Variants in CTNNA2 observed in about 807,000 individuals in gnomAD.
CTNNA2 encodes the protein catenin alpha-2.
In CTNNA2, 42 loss-of-function variants were observed where a neutral mutation model predicts 101.0. The ratio of observed to expected loss-of-function variants is 0.42; its 90% confidence interval spans 0.32 to 0.54. The LOEUF (loss-of-function observed/expected upper bound fraction) is 0.54, where lower values mean the gene tolerates loss of function less well. Ranked by LOEUF, CTNNA2 falls within the 20% of genes least tolerant of loss-of-function variation. The pLI, the probability that CTNNA2 is intolerant of heterozygous loss-of-function variation, is 0.14. For synonymous variants in CTNNA2, 450 were observed against 456.4 expected (o/e 0.99, Z 0.18); for missense variants, 871 against 1,223.1 (o/e 0.71, Z 4.29).
Position 80,065,363 on chromosome 2 carries a change from A to ATT in CTNNA2, c.1056+155579_1056+155580dup, listed in dbSNP as rs34605273. 2.8e-3 allele frequency among the ~76,000 whole-genome samples: 406 copies of ATT among 144,492 alleles called. 3 individuals carry two copies. Among genetic ancestry groups the ATT allele is most frequent in the African/African-American group, 8.2e-3 (318 of 38,914 alleles). The allele number at this position is 144,492 out of a possible 152,430, so 94.8% of individuals were successfully genotyped here. ...TTCCATTCTTGGACTTCTCCATTCT[A>ATT]TTTTTTTTTTTTTTGAGATGGAGTC... On this transcript the variant is annotated intron_variant, in intron 7 of 18. Transcript: ENST00000402739.
Position 80,284,635 on chromosome 2 carries a change from G to A in CTNNA2, c.1057-108576G>A, listed in dbSNP as rs116728619. On this transcript the variant is annotated intron_variant, in intron 7 of 18. Transcript: ENST00000402739. ...GACATTCAATCACACATTTTTTTTT[G>A]CATCATCTCTGAGAATTCCTCAAAT... Among the ~76,000 whole-genome samples the A allele has an allele frequency of 4.6e-3, 666 of 144,298 alleles. 3 individuals are homozygous for A. The highest frequency in any genetic ancestry group is 7.0e-3 in the Non-Finnish European group (468 of 67,312). The allele number at this position is 144,298 out of a possible 152,430, so 94.7% of individuals were successfully genotyped here. A position where few individuals can be genotyped will look rare whatever the true frequency, so the allele number is the denominator to read the frequency against.
At chr2:79,850,239 C>A (rs935776284) in intron 3 of CTNNA2, among the ~76,000 whole-genome samples, 2 of 144,316 alleles carry the variant, frequency 1.4e-5, no homozygotes, top group Non-Finnish European at 3.0e-5. Flanking sequence ...GTATCTCTCT[C>A]CCTCTGTTTC....
chr2:79,998,835 C>G (rs1692732999), intron 7 of CTNNA2, among the ~76,000 whole-genome samples: 1 of 152,114 alleles, frequency 6.6e-6, no homozygotes, highest in South Asian at 2.1e-4. Context: ...CCAGGAGAAA[C>G]CACAGTGCAG....
At chr2:80,399,961 T>C (rs1190402665) in intron 8 of CTNNA2, among the ~76,000 whole-genome samples, 2 of 152,172 alleles carry the variant, frequency 1.3e-5, no homozygotes, top group Non-Finnish European at 2.9e-5. Flanking sequence ...CCTGGTTAAG[T>C]GAGGTTGGCC....
chr2:79,929,827 T>G (rs1687267651), intron 7 of CTNNA2, among the ~76,000 whole-genome samples: 1 of 152,188 alleles, frequency 6.6e-6, no homozygotes, highest in African/African-American at 2.4e-5. Context: ...TCATCAGTTC[T>G]TGACGGAAAA....
At chr2:80,423,512 A>T (rs1330478647) in intron 9 of CTNNA2, among the ~76,000 whole-genome samples, 2 of 152,056 alleles carry the variant, frequency 1.3e-5, no homozygotes, top group African/African-American at 2.4e-5. Context: ...CATCTCCTTT[A>T]AAAAAATATT....
intron 7 of CTNNA2, among the ~76,000 whole-genome samples, chr2:80,263,481 C>T (rs977978579): frequency 5.9e-5 from 9 of 152,078 alleles, no homozygotes; most frequent in South Asian, 2.1e-4. Context: ...ATTACAGGCA[C>T]GTGCCACCAT....
chr2:79,211,741 G>T (rs1459060140), intron 2 of CTNNA2, among the ~76,000 whole-genome samples: 3 of 152,092 alleles, frequency 2.0e-5, no homozygotes, highest in Non-Finnish European at 2.9e-5. Context: ...GCTTAGCTTG[G>T]GCTCAGAGGC....
At chr2:79,543,508 A>C (rs982377354) in intron 1 of CTNNA2, among the ~76,000 whole-genome samples, 2 of 152,170 alleles carry the variant, frequency 1.3e-5, no homozygotes, top group Admixed American at 6.5e-5. Flanking sequence ...AGTTAGAAAT[A>C]CATTTTTGAC....
At chr2:80,048,074 A>G (rs1199421448) in intron 7 of CTNNA2, among the ~76,000 whole-genome samples, 2 of 152,168 alleles carry the variant, frequency 1.3e-5, no homozygotes, top group Non-Finnish European at 2.9e-5. Context: ...GATGAAAATA[A>G]TGGTTTAAAG....
chr2:79,919,584 T>C (rs942747297), intron 7 of CTNNA2, among the ~76,000 whole-genome samples: 2 of 152,184 alleles, frequency 1.3e-5, no homozygotes, highest in African/African-American at 4.8e-5. Context: ...GACAGCACAA[T>C]TGATCTTCTC....
At chr2:80,335,040 G>A (rs1169054735) in intron 7 of CTNNA2, among the ~76,000 whole-genome samples, 2 of 152,200 alleles carry the variant, frequency 1.3e-5, no homozygotes, top group African/African-American at 4.8e-5. Context: ...TGACAGAGAG[G>A]TGACTTTCAG....
chr2:79,974,050 T>C (rs1690670390), intron 7 of CTNNA2, among the ~76,000 whole-genome samples: 1 of 152,192 alleles, frequency 6.6e-6, no homozygotes, highest in African/African-American at 2.4e-5. Flanking sequence ...CAGGCATTCA[T>C]GTATGAGAGC....
chr2:79,200,253 G>A (rs766804703), intron 2 of CTNNA2, among the ~76,000 whole-genome samples: 10 of 151,980 alleles, frequency 6.6e-5, no homozygotes, highest in African/African-American at 1.9e-4. Context: ...GCTTGGTGGC[G>A]GGCACCTGTA....
chr2:79,574,428 T>C (rs1177882677), intron 1 of CTNNA2, among the ~76,000 whole-genome samples: 1 of 152,096 alleles, frequency 6.6e-6, no homozygotes, highest in African/African-American at 2.4e-5. Flanking sequence ...TCCATGTGTA[T>C]TCAATGTTTA....
intron 2 of CTNNA2, among the ~76,000 whole-genome samples, chr2:79,239,220 T>C (rs1249514910): frequency 6.6e-6 from 1 of 152,064 alleles, no homozygotes; most frequent in Non-Finnish European, 1.5e-5. Context: ...GACTCTACTA[T>C]GAGGCTAAAA....
intron 2 of CTNNA2, among the ~76,000 whole-genome samples, chr2:79,656,587 A>G (rs1681626972): frequency 6.6e-6 from 1 of 152,110 alleles, no homozygotes; most frequent in South Asian, 2.1e-4. Flanking sequence ...CCTTATATCA[A>G]TAATGATATA....
At chr2:80,530,467 C>T (rs1478754865) in intron 9 of CTNNA2, among the ~76,000 whole-genome samples, 2 of 152,162 alleles carry the variant, frequency 1.3e-5, no homozygotes, top group Non-Finnish European at 2.9e-5. Context: ...TTTTGCAGGA[C>T]ACAGACAGGA....
chr2:80,281,174 C>T (rs1333657576), intron 7 of CTNNA2, among the ~76,000 whole-genome samples: 1 of 152,090 alleles, frequency 6.6e-6, no homozygotes, highest in Non-Finnish European at 1.5e-5. Flanking sequence ...AAATTATATT[C>T]AGAAATGTCC....
Sources: allele counts gnomAD v4.1 joint callset (sites outside exome capture counted in the v4.1 genomes callset), GRCh38; gene constraint gnomAD v4.1.1; transcripts MANE v1.5; gene names NCBI Gene and HGNC (gene_info 2026-07-23, HGNC 2026-07-21).